MACROD2: variants seen among roughly 807,000 people sequenced by gnomAD.
MACROD2 encodes the protein ADP-ribose glycohydrolase MACROD2.
In MACROD2, 36 loss-of-function variants were observed where a neutral mutation model predicts 70.4. The ratio of observed to expected loss-of-function variants is 0.51; its 90% confidence interval spans 0.39 to 0.68. MACROD2 has a LOEUF of 0.68. Among genes scored for constraint, MACROD2 ranks in the 30% least tolerant of loss-of-function variants. MACROD2 has a pLI of 0.00. For synonymous variants in MACROD2, 172 were observed against 178.8 expected (o/e 0.96, Z 0.30); for missense variants, 496 against 538.4 (o/e 0.92, Z 0.78).
At chr20:15,204,381 T>C (rs1393888032) in intron 5 of MACROD2, among the ~76,000 whole-genome samples, 2 of 152,242 alleles carry the variant, frequency 1.3e-5, no homozygotes, top group South Asian at 2.1e-4. Context: ...CTGTCGACGC[T>C]TGTGAATTCT....
At chr20:15,524,632 G>A (rs921437799) in intron 8 of MACROD2, among the ~76,000 whole-genome samples, 1 of 152,096 alleles carries the variant, frequency 6.6e-6, no homozygotes, top group African/African-American at 2.4e-5. Flanking sequence ...AGGAAAAGGA[G>A]CTATCACCTA....
intron 6 of MACROD2, among the ~76,000 whole-genome samples, chr20:15,414,894 G>T (rs556322633): frequency 1.3e-5 from 2 of 152,148 alleles, no homozygotes; most frequent in Non-Finnish European, 2.9e-5. Flanking sequence ...CCAGAGAAAC[G>T]GAATCAGAAT....
rs184524368 is a variant in MACROD2, at chr20:15,823,454, A to T, written c.646-39291A>T. Among the ~76,000 whole-genome samples, 18 of 152,332 alleles carry T rather than the reference A, an allele frequency of 1.2e-4. No individual in the cohort carries two copies. In the East Asian group the frequency reaches 2.9e-3, roughly 25 times the overall value. ...TGTAATTTAGGTTTTATAGTCCAAG[A>T]ATGACTAGATTGCTTTTAAAAGCAC... On this transcript the variant is annotated intron_variant, in intron 8 of 17. Coordinates refer to ENST00000684519, the MANE Select transcript of MACROD2 (RefSeq NM_001351661.2).
intron 6 of MACROD2, among the ~76,000 whole-genome samples, chr20:15,349,862 C>T (rs1433002490): frequency 6.6e-6 from 1 of 151,872 alleles, no homozygotes; most frequent in Non-Finnish European, 1.5e-5. Flanking sequence ...CTGTTTTCTT[C>T]CCCTGGAGGT....
chr20:14,491,587 C>T lies in MACROD2; in HGVS notation c.272-1892C>T, dbSNP rs1289195560. Among the ~76,000 whole-genome samples the T allele has an allele frequency of 2.0e-5, 3 of 152,160 alleles. No individual in the cohort carries two copies. In the South Asian group the frequency reaches 6.2e-4, roughly 32 times the overall value. Reference sequence around the variant, plus strand: ...TTGATGATTGGCCAGAACTGGAATTCCAATTCTTACACCTACCCATCCACC... The same window carrying T: ...TTGATGATTGGCCAGAACTGGAATTTCAATTCTTACACCTACCCATCCACC... On this transcript the variant is annotated intron_variant, in intron 3 of 17. Coordinates refer to ENST00000684519, the MANE Select transcript of MACROD2 (RefSeq NM_001351661.2).
At chr20:14,728,329 C>T (rs2071553850) in intron 5 of MACROD2, among the ~76,000 whole-genome samples, 1 of 152,084 alleles carries the variant, frequency 6.6e-6, no homozygotes, top group African/African-American at 2.4e-5. Flanking sequence ...TTAAACATTC[C>T]TTTTTGGAAA....
At chr20:14,547,866 C>T (rs925583271) in intron 4 of MACROD2, among the ~76,000 whole-genome samples, 8 of 152,238 alleles carry the variant, frequency 5.3e-5, no homozygotes, top group African/African-American at 1.9e-4. Flanking sequence ...TCCAGCGTCT[C>T]CTCTGTATGG....
intron 3 of MACROD2, among the ~76,000 whole-genome samples, chr20:14,476,058 AGAGGTAAGTTGAACCAACTGCT>A: frequency 6.6e-6 from 1 of 152,276 alleles, no homozygotes; most frequent in South Asian, 2.1e-4. Flanking sequence ...CAACTTTAGA[AGAGGTAAGTTGAACCAACTGCT>A]GAATATATCT....
intron 3 of MACROD2, among the ~76,000 whole-genome samples, chr20:14,094,956 G>A (rs897591756): frequency 1.3e-5 from 2 of 151,626 alleles, no homozygotes; most frequent in African/African-American, 4.9e-5. Context: ...TTTTCCTCCT[G>A]GGCTTTGCAC....
chr20:14,573,731 G>A (rs1332347244), intron 4 of MACROD2, among the ~76,000 whole-genome samples: 1 of 152,016 alleles, frequency 6.6e-6, no homozygotes, highest in Non-Finnish European at 1.5e-5. Flanking sequence ...GTAGACTGTT[G>A]AAAAAGTCAC....
At chr20:14,274,106 A>G (rs1468336010) in intron 3 of MACROD2, among the ~76,000 whole-genome samples, 2 of 152,206 alleles carry the variant, frequency 1.3e-5, no homozygotes, top group Admixed American at 6.5e-5. Context: ...AACTATTCCA[A>G]TCAATAGAAG....
Position 15,533,996 on chromosome 20 carries a change from TA to T in MACROD2, c.645+34150del, listed in dbSNP as rs534185865. ...CTTGGCTATGACACCTTAGCCAAGA[TA>T]TTTTTTTCCCAACTGTACAGATGAT... On this transcript the variant is annotated intron_variant, in intron 8 of 17. Coordinates refer to ENST00000684519, the MANE Select transcript of MACROD2 (RefSeq NM_001351661.2). Among the ~76,000 whole-genome samples the T allele has an allele frequency of 2.0e-5, 3 of 152,324 alleles. No individual in the cohort carries two copies. In the South Asian group the frequency reaches 6.2e-4, roughly 32 times the overall value.
At chr20:15,572,330 A>C (rs1362330947) in intron 8 of MACROD2, among the ~76,000 whole-genome samples, 2 of 152,124 alleles carry the variant, frequency 1.3e-5, no homozygotes, top group Non-Finnish European at 2.9e-5. Flanking sequence ...TCAAATTTGC[A>C]ATGAAACCTG....
intron 8 of MACROD2, among the ~76,000 whole-genome samples, chr20:15,624,540 C>T (rs184944702): frequency 2.1e-4 from 32 of 152,158 alleles, no homozygotes; most frequent in East Asian, 7.7e-4. Context: ...ATGTGCAGAC[C>T]GGGGTTAGAA....
At chr20:14,418,094 T>G (rs962572810) in intron 3 of MACROD2, among the ~76,000 whole-genome samples, 1 of 152,164 alleles carries the variant, frequency 6.6e-6, no homozygotes, top group African/African-American at 2.4e-5. Flanking sequence ...TATTGATATA[T>G]ATTTTCCTTG....
chr20:15,941,977 A>G (rs750877172), intron 12 of MACROD2, among the ~76,000 whole-genome samples: 3 of 152,210 alleles, frequency 2.0e-5, no homozygotes, highest in Non-Finnish European at 4.4e-5. Flanking sequence ...AAAACAAACA[A>G]ATAAAAAATA....
intron 15 of MACROD2, among the ~76,000 whole-genome samples, chr20:16,040,064 A>G (rs1472009424): frequency 1.3e-5 from 2 of 151,782 alleles, no homozygotes; most frequent in Non-Finnish European, 2.9e-5. Context: ...ATGCCCCTAC[A>G]CTTCAGGCTT....
intron 5 of MACROD2, chr20:14,887,962 G>T (rs1294792218): frequency 1.3e-5 from 2 of 151,874 alleles, no homozygotes; most frequent in Admixed American, 1.3e-4. Flanking sequence ...CACATAGGAA[G>T]AACAGAGAGG....
At chr20:15,584,383 T>C (rs1203329506) in intron 8 of MACROD2, among the ~76,000 whole-genome samples, 3 of 151,124 alleles carry the variant, frequency 2.0e-5, no homozygotes, top group African/African-American at 7.4e-5. Context: ...ACTTGAGTTA[T>C]CTGAGATAAA....
Sources: allele counts gnomAD v4.1 joint callset (sites outside exome capture counted in the v4.1 genomes callset), GRCh38; gene constraint gnomAD v4.1.1; transcripts MANE v1.5; gene names NCBI Gene and HGNC (gene_info 2026-07-23, HGNC 2026-07-21).